Variants in AKAP7 observed in about 807,000 individuals in gnomAD.
The protein encoded by AKAP7 is A-kinase anchoring protein 7.
A neutral mutation model predicts 39.5 loss-of-function variants in AKAP7; 39 were observed. The ratio of observed to expected loss-of-function variants is 0.99; its 90% confidence interval spans 0.76 to 1.29. The LOEUF (loss-of-function observed/expected upper bound fraction) is 1.29, where lower values mean the gene tolerates loss of function less well. AKAP7 is among the 50% of genes most tolerant of loss of function. The probability of loss-of-function intolerance (pLI) is 0.00; values close to 1 mark genes in which losing one functional copy is unlikely to be tolerated. For synonymous variants in AKAP7, 140 were observed against 139.1 expected (o/e 1.01, Z -0.05); for missense variants, 414 against 407.7 (o/e 1.02, Z -0.13).
At chr6:131,164,849 T>G (rs1803322414) in intron 3 of AKAP7, among the ~76,000 whole-genome samples, 1 of 152,196 alleles carries the variant, frequency 6.6e-6, no homozygotes, top group Non-Finnish European at 1.5e-5. Flanking sequence ...TTCAGTACTG[T>G]TAAGATAGAC....
intron 5 of AKAP7, among the ~76,000 whole-genome samples, chr6:131,173,949 T>A (rs1345103656): frequency 6.6e-6 from 1 of 152,244 alleles, no homozygotes. Flanking sequence ...AGATCCATTG[T>A]GTGCTGAGGA....
chr6:131,180,848 TA>T (rs35311854), intron 5 of AKAP7, among the ~76,000 whole-genome samples: 22,870 of 118,142 alleles, frequency 0.19, 1,809 homozygotes, highest in Non-Finnish European at 0.25. Flanking sequence ...TTTTTTTTTT[TA>T]ATACTTCTCT....
chr6:131,267,454 T>A (rs1455137256), intron 7 of AKAP7, among the ~76,000 whole-genome samples: 1 of 152,194 alleles, frequency 6.6e-6, no homozygotes, highest in African/African-American at 2.4e-5. Context: ...GCCTTAATAA[T>A]TTGTGTATGT....
chr6:131,253,068 A>G, intron 7 of AKAP7: 1 of 1,613,672 alleles, frequency 6.2e-7, no homozygotes, highest in Non-Finnish European at 8.5e-7. Flanking sequence ...CTGCAGTCCT[A>G]CAGAGATACA....
At chr6:131,250,444 C>T in intron 7 of AKAP7, 1 of 1,512,038 alleles carries the variant, frequency 6.6e-7, no homozygotes. Flanking sequence ...GCTCTTCAAG[C>T]TGCCTGTGCT....
chr6:131,211,055 A>G (rs1437538805), intron 6 of AKAP7, among the ~76,000 whole-genome samples: 1 of 152,212 alleles, frequency 6.6e-6, no homozygotes, highest in Non-Finnish European at 1.5e-5. Flanking sequence ...TCCATCACAC[A>G]TATATCCTTA....
At chr6:131,170,028 T>C (rs1803879314) in intron 5 of AKAP7, among the ~76,000 whole-genome samples, 1 of 151,666 alleles carries the variant, frequency 6.6e-6, no homozygotes, top group South Asian at 2.1e-4. Flanking sequence ...TCTTTGTGTA[T>C]CTACGTTTCT....
upstream of AKAP7, among the ~76,000 whole-genome samples, chr6:131,133,473 T>C (rs75568615): frequency 0.024 from 3,685 of 152,300 alleles, 175 homozygotes; most frequent in African/African-American, 0.084. Context: ...TAAAAGAAGC[T>C]CTGTGAAAAA....
At chr6:131,199,398 T>C in intron 5 of AKAP7, 63 bp from the exon 6 acceptor site, 1 of 1,114,068 alleles carries the variant, frequency 9.0e-7, no homozygotes, top group Non-Finnish European at 1.3e-6. Context: ...TATTTTTTTT[T>C]ACAGTTAAAA....
At chr6:131,191,722 G>A (rs1020809180) in intron 5 of AKAP7, among the ~76,000 whole-genome samples, 5 of 152,132 alleles carry the variant, frequency 3.3e-5, no homozygotes, top group Non-Finnish European at 5.9e-5. Context: ...GCTGTCTGTG[G>A]TTTGGCACCT....
At chr6:131,260,073 TGTTA>T (rs1369513935) in intron 7 of AKAP7, among the ~76,000 whole-genome samples, 1 of 151,922 alleles carries the variant, frequency 6.6e-6, no homozygotes, top group Non-Finnish European at 1.5e-5. Flanking sequence ...TCTGTTCCTG[TGTTA>T]GTTTGCTGAG....
At chr6:131,195,630 G>C (rs1194743638) in intron 5 of AKAP7, among the ~76,000 whole-genome samples, 1 of 152,132 alleles carries the variant, frequency 6.6e-6, no homozygotes, top group African/African-American at 2.4e-5. Context: ...AACAGGTCTG[G>C]TGTTGGTAAA....
Position 131,247,295 on chromosome 6 carries a change from A to G in AKAP7, c.850+27487A>G, listed in dbSNP as rs1312381640. ...TATATATATATATATATATATATATATATATATATATATATATATGTTTTT... is the reference window on the plus strand; with the variant it reads ...TATATATATATATATATATATATATGTATATATATATATATATATGTTTTT... On this transcript the variant is annotated intron_variant, in intron 7 of 7. Transcript: ENST00000431975. 2.3e-4 allele frequency among the ~76,000 whole-genome samples: 21 copies of G among 91,840 alleles called. 1 individual carries two copies. Among genetic ancestry groups the G allele is most frequent in the South Asian group, 6.7e-4 (2 of 2,964 alleles). The allele number at this position is 91,840 out of a possible 152,430, so 60.3% of individuals were successfully genotyped here.
At chr6:131,279,069 A>G (rs1367620683) in intron 7 of AKAP7, among the ~76,000 whole-genome samples, 1 of 152,226 alleles carries the variant, frequency 6.6e-6, no homozygotes, top group African/African-American at 2.4e-5. Flanking sequence ...GAGATGTATT[A>G]GAAATAATAA....
intron 5 of AKAP7, among the ~76,000 whole-genome samples, chr6:131,181,801 A>G (rs1215310552): frequency 6.6e-6 from 1 of 152,108 alleles, no homozygotes; most frequent in Non-Finnish European, 1.5e-5. Flanking sequence ...CATTCTTCAC[A>G]TGATCAGACA....
At position 131,160,066 on chromosome 6, in the gene AKAP7, T is replaced by C; in HGVS notation, c.159T>C (p.Asp53=). 6.3e-7 allele frequency: 1 copy of C among 1,589,756 alleles called. No homozygotes were observed. ...VDIQDDCGIT[D]EPQINLKRSQ... ...TTGACTTTTTTCCTCTAGTCACTGA[T>C]GAACCTCAAATAAATTTGAAGAGAA... The change falls in exon 3 of 8, where the codon GAT becomes GAC. Residue 53 remains aspartate (D), a synonymous_variant. Coordinates refer to ENST00000431975, the MANE Select transcript of AKAP7 (RefSeq NM_016377.4).
intron 1 of AKAP7, among the ~76,000 whole-genome samples, chr6:131,138,801 C>T (rs550593034): frequency 7.2e-5 from 11 of 152,292 alleles, no homozygotes; most frequent in Non-Finnish European, 1.6e-4. Flanking sequence ...AAATGAGTTC[C>T]TCCCAGTGCT....
the AKAP7 span, among the ~76,000 whole-genome samples, chr6:131,129,321 T>TA: frequency 3.3e-5 from 5 of 150,334 alleles, no homozygotes; most frequent in African/African-American, 1.2e-4. Flanking sequence ...AAGAATAATA[T>TA]AAAATATAGA....
At position 131,283,455 on chromosome 6, in the gene AKAP7, T is replaced by TG. The variant is rs1815348999; in HGVS notation, c.*1732dup. On this transcript the variant is annotated 3_prime_UTR_variant, in exon 8 of 8. Transcript: ENST00000431975. Reference sequence around the variant, plus strand: ...TCATGGATTTTAGCTATTTTTTCACTGGGTAAATTATACTACATTTATTTA... The same window carrying TG: ...TCATGGATTTTAGCTATTTTTTCACTGGGGTAAATTATACTACATTTATTTA... The TG allele has an allele frequency of 1.3e-5, 2 of 152,384 alleles. No individual in the cohort carries two copies. Among genetic ancestry groups the TG allele is most frequent in the Admixed American group, 6.5e-5 (1 of 15,286 alleles). The allele number at this position is 152,384 out of a possible 1,614,324, so 9.4% of individuals were successfully genotyped here.
Sources: gnomAD v4.1 joint callset for allele counts (sites outside exome capture counted in the v4.1 genomes callset) on GRCh38, gnomAD v4.1.1 for gene constraint, MANE v1.5 for transcripts, NCBI Gene and HGNC (gene_info 2026-07-23, HGNC 2026-07-21) for gene names.